Variants in PRSS38 observed in about 807,000 individuals in gnomAD.
PRSS38 encodes the protein serine protease 38, also known as marapsin 2.
Under a neutral mutation model 26.8 loss-of-function variants are expected in PRSS38, and 22 were observed. The ratio of observed to expected loss-of-function variants is 0.82; its 90% CI spans 0.59 to 1.17. The LOEUF (loss-of-function observed/expected upper bound fraction) is 1.17, where lower values mean the gene tolerates loss of function less well. Among genes scored for constraint, PRSS38 ranks in the 50% most tolerant of loss-of-function variants. The probability of loss-of-function intolerance (pLI) is 0.00; values close to 1 mark genes in which losing one functional copy is unlikely to be tolerated. For synonymous variants in PRSS38, 175 were observed against 172.1 expected, an observed-to-expected ratio of 1.02 and a Z score of -0.13; for missense variants, 427 against 422.7, an observed-to-expected ratio of 1.01 and a Z score of -0.09.
At chr1:227,824,227 C>G in intron 3 of PRSS38, among the ~76,000 whole-genome samples, 1 of 152,064 alleles carries the variant, frequency 6.6e-6, no homozygotes, top group Non-Finnish European at 1.5e-5. Flanking sequence ...CTCCCTCTAT[C>G]CCCCCAAACA....
intron 3 of PRSS38, among the ~76,000 whole-genome samples, chr1:227,839,444 T>C (rs1187828225): frequency 6.6e-6 from 1 of 150,654 alleles, no homozygotes; most frequent in East Asian, 2.0e-4. Flanking sequence ...CACTCCAGCC[T>C]GTAACAGGGC....
chr1:227,838,454 C>T (rs1020850802), intron 3 of PRSS38, among the ~76,000 whole-genome samples: 2 of 152,142 alleles, frequency 1.3e-5, no homozygotes, highest in African/African-American at 2.4e-5. Context: ...CCAGCATGGG[C>T]GCTCTGGAGC....
At chr1:227,837,186 T>C (rs142069963) in intron 3 of PRSS38, among the ~76,000 whole-genome samples, 149 of 152,286 alleles carry the variant, frequency 9.8e-4, no homozygotes, top group African/African-American at 3.5e-3. Context: ...CCTGTTGCAC[T>C]ACCATCACCA....
chr1:227,831,103 T>C (rs1665147330), intron 3 of PRSS38, among the ~76,000 whole-genome samples: 1 of 152,174 alleles, frequency 6.6e-6, no homozygotes, highest in Admixed American at 6.5e-5. Flanking sequence ...TTTTCTAGTT[T>C]CCTAAGGTAG....
At chr1:227,832,421 G>A (rs1665166295) in intron 3 of PRSS38, among the ~76,000 whole-genome samples, 1 of 151,830 alleles carries the variant, frequency 6.6e-6, no homozygotes. Context: ...GTGCCTTTTG[G>A]TATGCCATTT....
intron 3 of PRSS38, among the ~76,000 whole-genome samples, chr1:227,841,977 T>C (rs1665343846): frequency 6.6e-6 from 1 of 152,112 alleles, no homozygotes; most frequent in South Asian, 2.1e-4. Flanking sequence ...AGGGACCACA[T>C]GGCCAGAGGG....
At chr1:227,821,053 C>G (rs1013159618) in intron 3 of PRSS38, among the ~76,000 whole-genome samples, 1 of 151,962 alleles carries the variant, frequency 6.6e-6, no homozygotes, top group Non-Finnish European at 1.5e-5. Flanking sequence ...TTTTTGAATC[C>G]TGTTGCAGAT....
At chr1:227,835,603 G>A (rs1665226804) in intron 3 of PRSS38, among the ~76,000 whole-genome samples, 1 of 152,148 alleles carries the variant, frequency 6.6e-6, no homozygotes, top group Admixed American at 6.5e-5. Context: ...ACAAACTGGG[G>A]CATAAACATA....
chr1:227,829,848 C>G (rs573814127), intron 3 of PRSS38, among the ~76,000 whole-genome samples: 6 of 152,240 alleles, frequency 3.9e-5, no homozygotes, highest in Admixed American at 3.9e-4. Flanking sequence ...TTCAATACAA[C>G]TGGGAATAGT....
At chr1:227,842,590 T>C (rs1665354195) in intron 3 of PRSS38, among the ~76,000 whole-genome samples, 1 of 152,144 alleles carries the variant, frequency 6.6e-6, no homozygotes, top group Admixed American at 6.5e-5. Flanking sequence ...CTTCTTTTTT[T>C]TTTTTTGAGA....
chr1:227,844,786 T>G (rs1360000373), intron 3 of PRSS38, among the ~76,000 whole-genome samples: 1 of 143,932 alleles, frequency 6.9e-6, no homozygotes, highest in Admixed American at 6.9e-5. Context: ...CCTCTGAGTG[T>G]TCAGGGTTCC....
intron 3 of PRSS38, among the ~76,000 whole-genome samples, chr1:227,821,405 T>A (rs146473652): frequency 1.3e-5 from 2 of 152,332 alleles, no homozygotes; most frequent in Non-Finnish European, 1.5e-5. Flanking sequence ...TTTTTATATT[T>A]GCCCGTGCAT....
intron 3 of PRSS38, among the ~76,000 whole-genome samples, chr1:227,833,435 G>C (rs1430716210): frequency 1.3e-5 from 2 of 152,028 alleles, no homozygotes; most frequent in Non-Finnish European, 2.9e-5. Flanking sequence ...GTTGAGGCGG[G>C]AGAATCACTT....
intron 3 of PRSS38, among the ~76,000 whole-genome samples, chr1:227,842,087 A>C (rs999081875): frequency 1.3e-5 from 2 of 152,164 alleles, no homozygotes; most frequent in Non-Finnish European, 2.9e-5. Flanking sequence ...TGATCTATTC[A>C]TGAGGGATGC....
intron 3 of PRSS38, among the ~76,000 whole-genome samples, chr1:227,839,236 G>A (rs1047049924): frequency 1.3e-5 from 2 of 152,296 alleles, no homozygotes; most frequent in African/African-American, 4.8e-5. Flanking sequence ...GAGGTAGGAG[G>A]ATTGCTTGAA....
intron 3 of PRSS38, among the ~76,000 whole-genome samples, chr1:227,835,668 C>T (rs994774765): frequency 1.3e-5 from 2 of 152,106 alleles, no homozygotes; most frequent in African/African-American, 4.8e-5. Context: ...CACTGTCGAG[C>T]CTCAAAAACA....
At chr1:227,837,476 T>C (rs1361141177) in intron 3 of PRSS38, among the ~76,000 whole-genome samples, 1 of 152,198 alleles carries the variant, frequency 6.6e-6, no homozygotes, top group Non-Finnish European at 1.5e-5. Context: ...CGCAGCAAAG[T>C]GTCTTCTCTC....
chr1:227,839,396 G>A (rs1665283809), intron 3 of PRSS38, among the ~76,000 whole-genome samples: 1 of 151,988 alleles, frequency 6.6e-6, no homozygotes, highest in African/African-American at 2.4e-5. Flanking sequence ...TTTGAGCTCA[G>A]GAGGTCCAGG....
At chr1:227,838,090 G>A (rs1189958374) in intron 3 of PRSS38, among the ~76,000 whole-genome samples, 2 of 152,004 alleles carry the variant, frequency 1.3e-5, no homozygotes, top group Non-Finnish European at 2.9e-5. Context: ...CTTTTGATGG[G>A]AAAAAGTTTT....
Sources: gnomAD v4.1 joint callset for allele counts (sites outside exome capture counted in the v4.1 genomes callset) on GRCh38, gnomAD v4.1.1 for gene constraint, MANE v1.5 for transcripts, NCBI Gene and HGNC (gene_info 2026-07-23, HGNC 2026-07-21) for gene names.